UNC79: variants seen among roughly 807,000 people sequenced by gnomAD.
The protein encoded by UNC79 is protein unc-79 homolog.
A neutral mutation model predicts 283.1 loss-of-function variants in UNC79; 37 were observed. That is an observed-to-expected ratio of 0.13 (90% CI 0.10 to 0.17). The LOEUF (loss-of-function observed/expected upper bound fraction) is 0.17. Ranked by LOEUF, UNC79 falls within the 10% of genes least tolerant of loss-of-function variation. The pLI is 1.00. For synonymous variants in UNC79, 1,107 were observed against 1,200.2 expected, an observed-to-expected ratio of 0.92 and a Z score of 1.61; for missense variants, 2,272 against 3,211.1, an observed-to-expected ratio of 0.71 and a Z score of 7.07.
chr14:93,624,792 C>T (rs2067428565), intron 30 of UNC79, among the ~76,000 whole-genome samples: 1 of 152,242 alleles, frequency 6.6e-6, no homozygotes, highest in African/African-American at 2.4e-5. Flanking sequence ...CCCGTGTGCT[C>T]AGAGCATGAC....
At chr14:93,665,562 G>GT (rs1239692390) in intron 40 of UNC79, among the ~76,000 whole-genome samples, 2 of 151,848 alleles carry the variant, frequency 1.3e-5, no homozygotes, top group African/African-American at 4.8e-5. Context: ...ATAAACTAAA[G>GT]TTTTACCTGC....
intron 41 of UNC79, among the ~76,000 whole-genome samples, chr14:93,677,319 A>T (rs897424223): frequency 4.6e-5 from 7 of 152,220 alleles, no homozygotes. Context: ...TGGATAATTT[A>T]TAAAAGAAAG....
chr14:93,695,346 A>G (rs1308577086), intron 47 of UNC79, among the ~76,000 whole-genome samples: 2 of 152,194 alleles, frequency 1.3e-5, no homozygotes, highest in Non-Finnish European at 2.9e-5. Flanking sequence ...CACTCACACT[A>G]TGCTGAGGAA....
chr14:93,378,541 G>A (rs2054605615), intron 1 of UNC79, among the ~76,000 whole-genome samples: 2 of 151,994 alleles, frequency 1.3e-5, no homozygotes, highest in South Asian at 4.2e-4. Context: ...CTTGGAGATA[G>A]GATCTAAGTC....
At position 93,572,835 on chromosome 14, in the gene UNC79, C is replaced by T. The variant is rs573304537; in HGVS notation, c.2070+19C>T. 19 of 1,611,000 alleles carry T rather than the reference C, an allele frequency of 1.2e-5. No homozygotes were observed. Among genetic ancestry groups the T allele is most frequent in the African/African-American group, 1.1e-4 (8 of 74,798 alleles). ...GCTTCATGTAAGTGAATAATACTTT[C>T]GATCATTTTAGGAAATAGTTCTTAG... is the stretch of plus-strand genomic sequence containing the variant. On this transcript the variant is annotated intron_variant, in intron 16 of 48. Coordinates refer to ENST00000555664, the Ensembl canonical transcript of UNC79.
At chr14:93,663,772 C>T (rs1305279098) in intron 40 of UNC79, among the ~76,000 whole-genome samples, 3 of 152,050 alleles carry the variant, frequency 2.0e-5, no homozygotes, top group Non-Finnish European at 4.4e-5. Flanking sequence ...TTCTTTTTCA[C>T]TTAAAAATGT....
chr14:93,390,010 T>C (rs139409139), intron 1 of UNC79, among the ~76,000 whole-genome samples: 4 of 152,312 alleles, frequency 2.6e-5, no homozygotes, highest in East Asian at 1.9e-4. Context: ...ATAGATGTTA[T>C]GAGAAAAGGA....
At chr14:93,479,219 CCTTCCTTCCTTT>C (rs1034774131) in intron 4 of UNC79, among the ~76,000 whole-genome samples, 54 of 148,218 alleles carry the variant, frequency 3.6e-4, no homozygotes, top group Non-Finnish European at 3.3e-4. Flanking sequence ...TTCCTTCCTT[CCTTCCTTCCTTT>C]CCTTCCTTCC....
At chr14:93,443,585 G>A (rs908393701) in intron 1 of UNC79, among the ~76,000 whole-genome samples, 17 of 151,968 alleles carry the variant, frequency 1.1e-4, no homozygotes, top group Admixed American at 2.0e-4. Context: ...CACCATGCCC[G>A]GCTAATTTTT....
At chr14:93,481,643 C>T (rs544420801) in intron 4 of UNC79, among the ~76,000 whole-genome samples, 27 of 152,206 alleles carry the variant, frequency 1.8e-4, no homozygotes, top group African/African-American at 6.5e-4. Flanking sequence ...ATCTTAAGGG[C>T]ATTATCTTAA....
chr14:93,526,676 C>T (rs2060564818), intron 8 of UNC79, among the ~76,000 whole-genome samples: 1 of 152,090 alleles, frequency 6.6e-6, no homozygotes, highest in African/African-American at 2.4e-5. Context: ...CAGACTAGAA[C>T]AAAACTCACT....
intron 31 of UNC79, among the ~76,000 whole-genome samples, chr14:93,636,744 C>T (rs1255581141): frequency 6.6e-6 from 1 of 152,092 alleles, no homozygotes; most frequent in African/African-American, 2.4e-5. Flanking sequence ...TGCCCCCTCC[C>T]CCTTATTCCT....
intron 35 of UNC79, among the ~76,000 whole-genome samples, chr14:93,652,355 A>G (rs1287945474): frequency 6.6e-6 from 1 of 152,154 alleles, no homozygotes; most frequent in Non-Finnish European, 1.5e-5. Context: ...TCCCTGGCTC[A>G]AGTGATCCTC....
intron 1 of UNC79, among the ~76,000 whole-genome samples, chr14:93,380,697 G>A (rs1239094211): frequency 1.3e-5 from 2 of 152,170 alleles, no homozygotes; most frequent in Non-Finnish European, 2.9e-5. Context: ...GGCGTGGTCT[G>A]TGGTATATAG....
Position 93,702,039 on chromosome 14 carries a change from G to A in UNC79, c.7549-2586G>A, listed in dbSNP as rs557760932. On this transcript the variant is annotated intron_variant, in intron 47 of 48. Coordinates refer to ENST00000555664, the Ensembl canonical transcript of UNC79. ...GGGTATTTCCCAAATATCAAGAGGC[G>A]TATGGGCCCACTTCTGTATTAAATA... 8.5e-5 allele frequency among the ~76,000 whole-genome samples: 13 copies of A among 152,284 alleles called. No homozygotes were observed. The East Asian group carries it at 9.6e-4, about 11-fold the overall frequency.
intron 35 of UNC79, among the ~76,000 whole-genome samples, chr14:93,653,145 C>G (rs997125864): frequency 6.6e-6 from 1 of 151,978 alleles, no homozygotes; most frequent in Non-Finnish European, 1.5e-5. Flanking sequence ...TTTCTGGTAC[C>G]TTAGTCTAAG....
intron 1 of UNC79, among the ~76,000 whole-genome samples, chr14:93,383,966 C>A (rs1295651950): frequency 6.6e-6 from 1 of 152,154 alleles, no homozygotes; most frequent in Non-Finnish European, 1.5e-5. Flanking sequence ...TGCCTTTTAC[C>A]TTCTGCCATG....
chr14:93,368,731 C>CA (rs573831503), intron 1 of UNC79, among the ~76,000 whole-genome samples: 403 of 152,246 alleles, frequency 2.6e-3, no homozygotes, highest in African/African-American at 9.2e-3. Flanking sequence ...CTCAGCCTTC[C>CA]AAAGTGCGGG....
chr14:93,359,807 G>C (rs1482750519), intron 1 of UNC79, among the ~76,000 whole-genome samples: 1 of 152,164 alleles, frequency 6.6e-6, no homozygotes, highest in Non-Finnish European at 1.5e-5. Context: ...TGAATGAAGG[G>C]GAGGCCGGGT....
Sources: allele counts gnomAD v4.1 joint callset (sites outside exome capture counted in the v4.1 genomes callset), GRCh38; gene constraint gnomAD v4.1.1; transcripts MANE v1.5; gene names NCBI Gene and HGNC (gene_info 2026-07-23, HGNC 2026-07-21).